Variants in LARP4B observed in about 807,000 individuals in gnomAD.
LARP4B encodes the protein la-related protein 4B.
A neutral mutation model predicts 89.8 loss-of-function variants in LARP4B; 12 were observed. The observed-to-expected ratio is 0.13, with a 90% CI of 0.09 to 0.22. LARP4B has a LOEUF of 0.22. LARP4B is among the 10% of genes least tolerant of loss of function. The pLI, the probability that LARP4B is intolerant of heterozygous loss-of-function variation, is 1.00. For missense variants in LARP4B, 757 were observed against 947.7 expected, an observed-to-expected ratio of 0.80 and a Z score of 2.64; for synonymous variants, 367 against 363.3, an observed-to-expected ratio of 1.01 and a Z score of -0.12.
intron 1 of LARP4B, among the ~76,000 whole-genome samples, chr10:888,242 C>T (rs1293447346): frequency 1.3e-5 from 2 of 151,802 alleles, no homozygotes; most frequent in Middle Eastern, 3.2e-3. Context: ...ATTGTTTGAA[C>T]TTGAGAGAGA....
chr10:982,633 G>T, the LARP4B span, among the ~76,000 whole-genome samples: 1 of 152,140 alleles, frequency 6.6e-6, no homozygotes, highest in East Asian at 1.9e-4. Flanking sequence ...TTAAAATTCT[G>T]TATGATTCAA....
the LARP4B span, among the ~76,000 whole-genome samples, chr10:959,777 ACCTCCTCGTCAT>A: frequency 3.4e-5 from 1 of 29,798 alleles, no homozygotes. Context: ...CGTCATTCCC[ACCTCCTCGTCAT>A]TCCCACCTCC....
rs780140835 is a variant in LARP4B, at chr10:825,218, C to T, written c.1331G>A (p.Arg444Gln). ...SPSIFNFTAD[R>Q]LINGVRSPQT... is the part of the protein sequence containing the mutation. Reference sequence around the variant, plus strand: ...TGGACTCCGGACACCATTAATTAATCGATCTGCAGTGAAGTTAAATATTGA... The same window carrying T: ...TGGACTCCGGACACCATTAATTAATTGATCTGCAGTGAAGTTAAATATTGA... Residue 444 changes from arginine (R) to glutamine (Q), a missense_variant, in exon 13 of 18, where the codon CGA becomes CAA. Transcript: ENST00000316157. 54 of 1,614,050 alleles carry T rather than the reference C, an allele frequency of 3.3e-5. No individual in the cohort carries two copies. Among genetic ancestry groups the T allele is most frequent in the East Asian group, 4.5e-5 (2 of 44,888 alleles).
At chr10:963,100 C>T in the LARP4B span, among the ~76,000 whole-genome samples, 1 of 152,224 alleles carries the variant, frequency 6.6e-6, no homozygotes, top group African/African-American at 2.4e-5. Context: ...TCTCCTTCCT[C>T]CAGCCTGTGG....
intron 5 of LARP4B, among the ~76,000 whole-genome samples, chr10:850,585 G>A (rs1488819178): frequency 1.3e-5 from 2 of 152,178 alleles, no homozygotes; most frequent in Non-Finnish European, 2.9e-5. Context: ...ATCAGAAAGA[G>A]TACATTAATC....
At chr10:832,286 G>A (rs1008822730) in intron 8 of LARP4B, among the ~76,000 whole-genome samples, 6 of 151,640 alleles carry the variant, frequency 4.0e-5, no homozygotes, top group Admixed American at 6.6e-5. Context: ...CTCGTGATCC[G>A]CCCGCCTCAG....
At chr10:938,592 T>C in the LARP4B span, among the ~76,000 whole-genome samples, 1 of 152,192 alleles carries the variant, frequency 6.6e-6, no homozygotes, top group East Asian at 1.9e-4. Context: ...AGAGAATGTC[T>C]TTTATCTTAG....
chr10:829,777 A>G (rs1377045295), intron 9 of LARP4B, 43 bp from the exon 10 acceptor site: 1 of 1,421,272 alleles, frequency 7.0e-7, no homozygotes, highest in Admixed American at 1.7e-5. Flanking sequence ...GATTAACCTT[A>G]TGAATAAGAG....
intron 1 of LARP4B, among the ~76,000 whole-genome samples, chr10:886,396 T>A (rs1383772879): frequency 6.6e-6 from 1 of 152,212 alleles, no homozygotes; most frequent in African/African-American, 2.4e-5. Flanking sequence ...GAAAACAGTA[T>A]GGAAGTTGCT....
chr10:922,181 C>T (rs988895065), intron 1 of LARP4B, among the ~76,000 whole-genome samples: 2 of 152,186 alleles, frequency 1.3e-5, no homozygotes, highest in Admixed American at 6.5e-5. Flanking sequence ...ACCTAGATCC[C>T]TTGCATGTGC....
chr10:919,730 G>GT (rs371282300), intron 1 of LARP4B, among the ~76,000 whole-genome samples: 6 of 152,364 alleles, frequency 3.9e-5, no homozygotes, highest in African/African-American at 1.4e-4. Flanking sequence ...ATGAACACAG[G>GT]TGTTGAAGTT....
In LARP4B at chr10:908,272, T is replaced by C. The variant is rs527685423; in HGVS notation, c.-39-22512A>G. On this transcript the variant is annotated intron_variant, in intron 1 of 17. Transcript: ENST00000316157. The stretch of plus-strand genomic sequence containing the variant: ...TTCCAGATAGCTGAACACATGGAGG[T>C]TGTTAAAGAGTGGCAGCCCAAAGAG... Among the ~76,000 whole-genome samples the C allele has an allele frequency of 7.8e-4, 118 of 151,802 alleles. 1 individual carries two copies. The highest frequency in any genetic ancestry group is 1.3e-3 in the Non-Finnish European group (87 of 67,928).
rs1340095153 is a variant in LARP4B at position 814,055 on chromosome 10, C to G, written c.1929+687G>C. Among the ~76,000 whole-genome samples the G allele has an allele frequency of 6.6e-6, 1 of 151,974 alleles. No homozygotes were observed. The highest frequency in any genetic ancestry group is 1.5e-5 in the Non-Finnish European group (1 of 68,012). On this transcript the variant is annotated intron_variant, in intron 17 of 17. Coordinates refer to ENST00000316157, the MANE Select transcript of LARP4B (RefSeq NM_015155.3). This position sits in a 1 kb window ranked among gnomAD's most constrained non-coding sequence, Gnocchi z 4.4. ...TGACCGCATGATCTGCCTACCTCGG[C>G]CTCCCAAAGTGCTGGGATTACAGGC...
At chr10:952,023 C>T in the LARP4B span, among the ~76,000 whole-genome samples, 2 of 151,644 alleles carry the variant, frequency 1.3e-5, no homozygotes, top group East Asian at 1.9e-4. Context: ...CCAGAATCAA[C>T]TGCATAACAT....
At chr10:879,770 G>GTCTTT (rs772911190) in intron 3 of LARP4B, among the ~76,000 whole-genome samples, 1 of 151,736 alleles carries the variant, frequency 6.6e-6, no homozygotes, top group African/African-American at 2.4e-5. Context: ...ATCCGGCCAA[G>GTCTTT]TCTTTTCTTT....
the LARP4B span, among the ~76,000 whole-genome samples, chr10:961,175 G>T: frequency 6.6e-6 from 1 of 152,256 alleles, no homozygotes; most frequent in Non-Finnish European, 1.5e-5. Flanking sequence ...AAGTTCTTCA[G>T]AGAAGGAAAA....
rs1831666502 is a variant in LARP4B at position 809,590 on chromosome 10, A to G, written c.*3336T>C. The G allele has an allele frequency of 6.6e-6, 1 of 152,572 alleles. No individual in the cohort carries two copies. Among genetic ancestry groups the G allele is most frequent in the South Asian group, 2.1e-4 (1 of 4,832 alleles). 9.5% of individuals were successfully genotyped at this position (152,572 alleles called of 1,614,324 possible). On this transcript the variant is annotated 3_prime_UTR_variant, in exon 18 of 18. Transcript: ENST00000316157. ...TTTCATAACCTACATTTTTTTTCAA[A>G]TTAGACAGTTTTACACTGAATGACA...
chr10:938,553 G>A, the LARP4B span, among the ~76,000 whole-genome samples: 27 of 152,252 alleles, frequency 1.8e-4, no homozygotes, highest in African/African-American at 6.0e-4. Context: ...GCGCCCGGCC[G>A]AATTGGTTCA....
chr10:944,597 C>T, the LARP4B span, among the ~76,000 whole-genome samples: 1 of 152,248 alleles, frequency 6.6e-6, no homozygotes, highest in Non-Finnish European at 1.5e-5. Context: ...GCACTCCTTT[C>T]CTGCCAGCGC....
Sources: allele counts gnomAD v4.1 joint callset (sites outside exome capture counted in the v4.1 genomes callset), GRCh38; gene constraint gnomAD v4.1.1; non-coding constraint Gnocchi (gnomAD v3.1); transcripts MANE v1.5; gene names NCBI Gene and HGNC (gene_info 2026-07-23, HGNC 2026-07-21).